GSS: variants seen among roughly 807,000 people sequenced by gnomAD.
GSS encodes the protein GSH synthetase.
In GSS, 34 loss-of-function variants were observed where a neutral mutation model predicts 60.4. The ratio of observed to expected loss-of-function variants is 0.56; its 90% CI spans 0.43 to 0.75. GSS has a LOEUF of 0.75. Among genes scored for constraint, GSS ranks in the 30% least tolerant of loss-of-function variants. The pLI is 0.00. For synonymous variants in GSS, 224 were observed against 239.0 expected, an observed-to-expected ratio of 0.94 and a Z score of 0.58; for missense variants, 499 against 595.1, an observed-to-expected ratio of 0.84 and a Z score of 1.68.
rs539541913 is a variant in GSS, at chr20:34,942,583, G to A, written c.396C>T (p.Arg132=). Residue 132 remains arginine, a synonymous_variant, in exon 5 of 13, where the codon CGC becomes CGT. Transcript: ENST00000651619. ...GLNRSDYMFQ[R]SADGSPALKQ... ...TCAGGGCTGGGGAGCCATCTGCGCT[G>A]CGCTGGAACATGTAGTCTGAGCGAT... 8 of 1,614,040 alleles carry A rather than the reference G, an allele frequency of 5.0e-6. No individual in the cohort carries two copies. In the South Asian group the frequency reaches 7.7e-5, roughly 16 times the overall value.
chr20:34,930,209 T>C (rs1238101701), intron 11 of GSS, among the ~76,000 whole-genome samples: 1 of 149,754 alleles, frequency 6.7e-6, no homozygotes, highest in African/African-American at 2.5e-5. Context: ...GTGGTTGCAG[T>C]GAGCCAAGAT....
At chr20:34,935,493 G>A in intron 9 of GSS, 83 bp downstream of exon 9, 1 of 933,898 alleles carries the variant, frequency 1.1e-6, no homozygotes, top group Middle Eastern at 3.0e-4. Context: ...GGAAAACCCA[G>A]GTTGTTATAA....
intron 6 of GSS, among the ~76,000 whole-genome samples, chr20:34,938,424 T>C (rs965030935): frequency 1.3e-5 from 2 of 152,166 alleles, no homozygotes; most frequent in Non-Finnish European, 2.9e-5. Context: ...TGAGGTCAGA[T>C]GTGATGTTAA....
rs1462873259 is a variant in GSS, at chr20:34,951,866, A to C, written c.-8-6T>G. On this transcript the variant is annotated splice_region_variant and splice_polypyrimidine_tract_variant and intron_variant, in intron 1 of 12. Coordinates refer to ENST00000651619, the MANE Select transcript of GSS (RefSeq NM_000178.4). ...GTTGGTGGCCATCCCAACACCTGCA[A>C]AAGATGGAGAGAAGAGAGTTGGTAA... is the stretch of plus-strand genomic sequence containing the variant. 3 of 1,613,818 alleles carry C rather than the reference A, an allele frequency of 1.9e-6. No homozygotes were observed. Among genetic ancestry groups the C allele is most frequent in the African/African-American group, 1.3e-5 (1 of 75,032 alleles).
intron 6 of GSS, among the ~76,000 whole-genome samples, chr20:34,938,835 A>G (rs2081461095): frequency 6.6e-6 from 1 of 152,094 alleles, no homozygotes; most frequent in Non-Finnish European, 1.5e-5. Context: ...GGGGGTGAGG[A>G]CCCCTGAGTC....
chr20:34,934,329 T>C (rs1600380315), intron 9 of GSS, among the ~76,000 whole-genome samples: 1 of 150,228 alleles, frequency 6.7e-6, no homozygotes, highest in African/African-American at 2.5e-5. Flanking sequence ...CAGGCTGGAG[T>C]GCAGTGGCAT....
chr20:34,936,037 A>C (rs2236271), intron 8 of GSS, among the ~76,000 whole-genome samples: 100,540 of 152,072 alleles, frequency 0.66, 34,826 homozygotes, highest in African/African-American at 0.87. Context: ...TGAAACCAGA[A>C]TGAAAAAATT....
chr20:34,947,351 G>C (rs2081530747), intron 2 of GSS, among the ~76,000 whole-genome samples: 1 of 152,192 alleles, frequency 6.6e-6, no homozygotes, highest in South Asian at 2.1e-4. Context: ...GCCTCCCAAA[G>C]TGTTGGGATT....
intron 10 of GSS, 27 bp downstream of exon 10, chr20:34,931,912 G>A (rs2081404175): frequency 6.2e-7 from 1 of 1,603,242 alleles, no homozygotes; most frequent in African/African-American, 1.3e-5. Flanking sequence ...GGAGGCCTGT[G>A]GTAGGAGAAA....
chr20:34,935,049 A>G (rs1361868972), intron 9 of GSS, among the ~76,000 whole-genome samples: 4 of 152,216 alleles, frequency 2.6e-5, no homozygotes, highest in African/African-American at 7.2e-5. Context: ...ATCTCTCTAA[A>G]CGTTAGTTTC....
chr20:34,931,599 T>A, intron 10 of GSS, 182 bp from the exon 11 acceptor site: 2 of 683,294 alleles, frequency 2.9e-6, no homozygotes, highest in Non-Finnish European at 5.3e-6. Flanking sequence ...CAGCAGCCGA[T>A]GCAATGAGAA....
At chr20:34,952,190 G>T in intron 1 of GSS, 1 of 385,270 alleles carries the variant, frequency 2.6e-6, no homozygotes, top group South Asian at 2.2e-5. Context: ...TTGAACCCAT[G>T]TCTCTGGACT....
intron 3 of GSS, among the ~76,000 whole-genome samples, chr20:34,944,181 C>A (rs2081504508): frequency 6.6e-6 from 1 of 152,194 alleles, no homozygotes; most frequent in Admixed American, 6.5e-5. Context: ...TTTCCTTTTT[C>A]TGAAGAGGTG....
intron 11 of GSS, 109 bp from the exon 12 acceptor site, chr20:34,929,699 C>T (rs1187757503): frequency 1.8e-5 from 17 of 936,432 alleles, no homozygotes; most frequent in Admixed American, 6.8e-5. Context: ...TCCTGGCACC[C>T]GCTCAGTGAA....
Position 34,928,963 on chromosome 20 carries a change from G to A in GSS, c.1302-12C>T. The A allele has an allele frequency of 1.2e-6, 2 of 1,612,718 alleles. No individual in the cohort carries two copies. Among genetic ancestry groups the A allele is most frequent in the Non-Finnish European group, 1.7e-6 (2 of 1,179,994 alleles). ...GTGTCTTTTCCTGCCTATAGAAATGGAGGCAGGGGACACACATCACCTGGA... is the reference window on the plus strand; with the variant it reads ...GTGTCTTTTCCTGCCTATAGAAATGAAGGCAGGGGACACACATCACCTGGA... On this transcript the variant is annotated splice_polypyrimidine_tract_variant and intron_variant, in intron 12 of 12. Coordinates refer to ENST00000651619, the MANE Select transcript of GSS (RefSeq NM_000178.4).
At chr20:34,943,605 C>T (rs1362846037) in intron 3 of GSS, among the ~76,000 whole-genome samples, 1 of 152,106 alleles carries the variant, frequency 6.6e-6, no homozygotes, top group Non-Finnish European at 1.5e-5. Flanking sequence ...GTTTCTTCTT[C>T]AACTAGTCCT....
intron 3 of GSS, among the ~76,000 whole-genome samples, chr20:34,945,271 C>T (rs571887160): frequency 6.6e-5 from 10 of 151,994 alleles, no homozygotes; most frequent in Admixed American, 1.3e-4. Context: ...GATCCACCCA[C>T]CTCGGCCTCC....
Position 34,940,658 on chromosome 20 carries a change from T to C in GSS, c.608+1055A>G, listed in dbSNP as rs528776229. Among the ~76,000 whole-genome samples, 5 of 152,350 alleles carry C rather than the reference T, an allele frequency of 3.3e-5. No homozygotes were observed. In the South Asian group the frequency reaches 1.0e-3, roughly 32 times the overall value. The stretch of plus-strand genomic sequence containing the variant: ...TATGAGAATTCAATGAGATCCTGTA[T>C]GTACAGAGCTTAGCACAAGGTGTAG... On this transcript the variant is annotated intron_variant, in intron 6 of 12. Transcript: ENST00000651619.
chr20:34,941,720 A>C lies in GSS; in HGVS notation c.601T>G (p.Ser201Ala). Residue 201 changes from serine (S) to alanine (A), a missense_variant, in exon 6 of 13, where the codon TCA becomes GCA. Ser to Ala is a moderately conservative substitution (Grantham distance 99). Transcript: ENST00000651619. ...ACCTTTTCACACCCTTACTTGGGTG[A>C]GCCGTAGAGCTCCCAGGCTTTGGCA... is the stretch of plus-strand genomic sequence containing the variant. Reference protein sequence around the residue: ...GIAKAWELYGSPNALVLLIAQ... With the variant: ...GIAKAWELYGAPNALVLLIAQ... 1.9e-6 allele frequency: 3 copies of C among 1,573,858 alleles called. No homozygotes were observed. Among genetic ancestry groups the C allele is most frequent in the Non-Finnish European group, 2.6e-6 (3 of 1,144,190 alleles).
Sources: allele counts gnomAD v4.1 joint callset (sites outside exome capture counted in the v4.1 genomes callset), GRCh38; gene constraint gnomAD v4.1.1; transcripts MANE v1.5; gene names NCBI Gene and HGNC (gene_info 2026-07-23, HGNC 2026-07-21).